The following GTPBP3 variants were observed in gnomAD, a reference collection of about 807,000 sequenced individuals.
The protein encoded by GTPBP3 is GTP binding protein 3, mitochondrial.
A neutral mutation model predicts 42.0 loss-of-function variants in GTPBP3; 35 were observed. The ratio of observed to expected loss-of-function variants is 0.83; its 90% confidence interval spans 0.64 to 1.10. GTPBP3 has a LOEUF of 1.10. Ranked by LOEUF, GTPBP3 falls within the 50% of genes least tolerant of loss-of-function variation. GTPBP3 has a pLI of 0.00. For synonymous variants in GTPBP3, 332 were observed against 314.9 expected, an observed-to-expected ratio of 1.05 and a Z score of -0.58; for missense variants, 691 against 685.2, an observed-to-expected ratio of 1.01 and a Z score of -0.09.
Position 17,337,573 on chromosome 19 carries a change from A to ACAGGCAGGTCGGG in GTPBP3, c.-33_-21dup. On this transcript the variant is annotated 5_prime_UTR_variant, in exon 1 of 9. Transcript: ENST00000324894. ...GCCCCCTGCCCAGACTTGAAGCCAC[A>ACAGGCAGGTCGGG]CAGGCAGGTCGGGCAGGCGGGTCGC... 1 of 1,316,704 alleles carries ACAGGCAGGTCGGG rather than the reference A, an allele frequency of 7.6e-7. No individual in the cohort carries two copies. The highest frequency in any genetic ancestry group is 9.7e-7 in the Non-Finnish European group (1 of 1,027,214). 81.6% of individuals were successfully genotyped at this position (1,316,704 alleles called of 1,614,324 possible). A position where few individuals can be genotyped will look rare whatever the true frequency, so the allele number is the denominator to read the frequency against.
intron 7 of GTPBP3, among the ~76,000 whole-genome samples, chr19:17,340,180 G>T (rs962661977): frequency 1.3e-5 from 2 of 151,800 alleles, no homozygotes; most frequent in East Asian, 3.9e-4. Flanking sequence ...GATTAGAGGC[G>T]CCCACCACAA....
chr19:17,341,919 T>C lies in GTPBP3; in HGVS notation c.*216T>C, dbSNP rs546568849. ...GCTGAATGGAGGTCCCGTTCGACCC[T>C]TGATGCTGGGGCATCCGGGTTGGGA... On this transcript the variant is annotated 3_prime_UTR_variant, in exon 9 of 9. Coordinates refer to ENST00000324894, the MANE Select transcript of GTPBP3 (RefSeq NM_032620.4). 1.5e-4 allele frequency: 66 copies of C among 446,376 alleles called. No individual in the cohort carries two copies. In the South Asian group the frequency reaches 4.0e-3, roughly 27 times the overall value. 27.7% of individuals were successfully genotyped at this position (446,376 alleles called of 1,614,324 possible). A position where few individuals can be genotyped will look rare whatever the true frequency, so the allele number is the denominator to read the frequency against.
In GTPBP3 at chr19:17,342,378, C is replaced by T. The variant is rs1314923083; in HGVS notation, c.*675C>T. 5 of 152,286 alleles carry T rather than the reference C, an allele frequency of 3.3e-5. No homozygotes were observed. The East Asian group carries it at 9.6e-4, about 29-fold the overall frequency. The allele number at this position is 152,286 out of a possible 1,614,324, so 9.4% of individuals were successfully genotyped here. A position where few individuals can be genotyped will look rare whatever the true frequency, so the allele number is the denominator to read the frequency against. Reference sequence around the variant, plus strand: ...CACCTCCCGGGTTCAAGTGATTCTCCTGCCTCAGCCTCTTGAGTAGCTGGG... The same window carrying T: ...CACCTCCCGGGTTCAAGTGATTCTCTTGCCTCAGCCTCTTGAGTAGCTGGG... On this transcript the variant is annotated 3_prime_UTR_variant, in exon 9 of 9. Coordinates refer to ENST00000324894, the MANE Select transcript of GTPBP3 (RefSeq NM_032620.4).
chr19:17,337,577 G>T lies in GTPBP3; in HGVS notation c.-35G>T, dbSNP rs533025425. ...CCTGCCCAGACTTGAAGCCACACAGGCAGGTCGGGCAGGCGGGTCGCAGGT... is the reference window on the plus strand; with the variant it reads ...CCTGCCCAGACTTGAAGCCACACAGTCAGGTCGGGCAGGCGGGTCGCAGGT... On this transcript the variant is annotated 5_prime_UTR_variant, in exon 1 of 9. Coordinates refer to ENST00000324894, the MANE Select transcript of GTPBP3 (RefSeq NM_032620.4). The T allele has an allele frequency of 5.5e-5, 72 of 1,317,596 alleles. No individual in the cohort carries two copies. The South Asian group carries it at 1.7e-3, about 32-fold the overall frequency. 81.6% of individuals were successfully genotyped at this position (1,317,596 alleles called of 1,614,324 possible). A position where few individuals can be genotyped will look rare whatever the true frequency, so the allele number is the denominator to read the frequency against.
Position 17,339,465 on chromosome 19 carries a change from G to T in GTPBP3, c.840G>T (p.Glu280Asp). 6.2e-7 allele frequency: 1 copy of T among 1,613,960 alleles called. No homozygotes were observed. Among genetic ancestry groups the T allele is most frequent in the Non-Finnish European group, 8.5e-7 (1 of 1,179,990 alleles). Reference sequence around the variant, plus strand: ...AGCCTGTGTCCATCGTGTCCCCGGAGCCAGGGACCACCCGTGACGTGCTGG... The same window carrying T: ...AGCCTGTGTCCATCGTGTCCCCGGATCCAGGGACCACCCGTGACGTGCTGG... ...SRKPVSIVSP[E>D]PGTTRDVLET... The change falls in exon 7 of 9, where the codon GAG becomes GAT. Residue 280 changes from glutamate to aspartate, a missense_variant. Glu to Asp is a conservative substitution (Grantham distance 45). Coordinates refer to ENST00000324894, the MANE Select transcript of GTPBP3 (RefSeq NM_032620.4).
intron 6 of GTPBP3, 62 bp from the exon 7 acceptor site, chr19:17,339,372 T>C (rs2074404658): frequency 1.3e-6 from 2 of 1,595,410 alleles, no homozygotes; most frequent in African/African-American, 2.7e-5. Flanking sequence ...AGACATGGGG[T>C]AGAACCTGGG....
intron 7 of GTPBP3, among the ~76,000 whole-genome samples, chr19:17,340,182 C>T (rs906482107): frequency 1.3e-5 from 2 of 151,816 alleles, no homozygotes; most frequent in African/African-American, 4.8e-5. Context: ...TTAGAGGCGC[C>T]CACCACAATG....
chr19:17,335,126 A>G, upstream of GTPBP3: 1 of 1,535,458 alleles, frequency 6.5e-7, no homozygotes, highest in Non-Finnish European at 8.7e-7. Flanking sequence ...GATGGGCGTA[A>G]GTTGACTAAG....
chr19:17,340,960 G>T, intron 7 of GTPBP3, 84 bp from the exon 8 acceptor site: 1 of 1,489,466 alleles, frequency 6.7e-7, no homozygotes. Context: ...CCAGTGCTCT[G>T]CCTGGCCCCT....
upstream of GTPBP3, chr19:17,337,421 C>A: frequency 2.5e-6 from 3 of 1,180,196 alleles, no homozygotes; most frequent in South Asian, 8.8e-5. Context: ...CCTCCCGCTC[C>A]CGCTCTCCCT....
rs1220092128 is a variant in GTPBP3, at chr19:17,338,122, C to G, written c.168C>G (p.Pro56=). The part of the protein sequence containing the change: ...CGIAVIRTSG[P]ASGHALRILT... ...TCGCAGTGATCCGGACCAGCGGCCC[C>G]GCCAGCGGCCACGCCCTCCGAATTC... Residue 56 remains proline (P), a synonymous_variant, in exon 2 of 9, where the codon CCC becomes CCG. Coordinates refer to ENST00000324894, the MANE Select transcript of GTPBP3 (RefSeq NM_032620.4). 4 of 1,596,448 alleles carry G rather than the reference C, an allele frequency of 2.5e-6. No individual in the cohort carries two copies. Among genetic ancestry groups the G allele is most frequent in the Non-Finnish European group, 3.4e-6 (4 of 1,178,562 alleles).
Position 17,339,612 on chromosome 19 carries a change from G to T in GTPBP3, c.974+13G>T, listed in dbSNP as rs779558240. The T allele has an allele frequency of 6.3e-7, 1 of 1,589,756 alleles. No homozygotes were observed. The highest frequency in any genetic ancestry group is 2.3e-5 in the East Asian group (1 of 43,708). ...GCGCCCGGGAGAGGTGGGCGGACAG[G>T]GTGGTGATGGGAGGGGAACGCGGGG... On this transcript the variant is annotated intron_variant, in intron 7 of 8. Coordinates refer to ENST00000324894, the MANE Select transcript of GTPBP3 (RefSeq NM_032620.4).
chr19:17,337,370 T>G (rs2074376917), upstream of GTPBP3: 1 of 737,130 alleles, frequency 1.4e-6, no homozygotes. Flanking sequence ...GGTCTCATGT[T>G]GCCCGGGGAA....
chr19:17,337,727 C>T, intron 1 of GTPBP3, 63 bp downstream of exon 1: 2 of 1,406,502 alleles, frequency 1.4e-6, no homozygotes, highest in Non-Finnish European at 1.9e-6. Flanking sequence ...GACCCACTCC[C>T]TGGGTTTTAG....
At chr19:17,335,193 A>G, upstream of GTPBP3, 1 of 1,529,224 alleles carries the variant, frequency 6.5e-7, no homozygotes, top group East Asian at 2.5e-5. Flanking sequence ...AATAACTTCA[A>G]CCACCCCAGT....
rs1047386127 is a variant in GTPBP3, at chr19:17,338,436, G to A, written c.373G>A (p.Val125Ile). 1.2e-6 allele frequency: 2 copies of A among 1,614,096 alleles called. No homozygotes were observed. Among genetic ancestry groups the A allele is most frequent in the East Asian group, 2.2e-5 (1 of 44,878 alleles). Reference sequence around the variant, plus strand: ...TGGAGGCCCGGCAGTGGTGAGCGGCGTCCTGCAGGCCTTGGGTGAGTTGCA... The same window carrying A: ...TGGAGGCCCGGCAGTGGTGAGCGGCATCCTGCAGGCCTTGGGTGAGTTGCA... ...VHGGPAVVSG[V>I]LQALGSVPGL... Residue 125 changes from valine (V) to isoleucine (I), a missense_variant, in exon 3 of 9, where the codon GTC (valine) becomes ATC (isoleucine). By Grantham distance (29) the Val-to-Ile change is conservative (BLOSUM62 3). Transcript: ENST00000324894.
chr19:17,340,174 A>G (rs2074414901), intron 7 of GTPBP3, among the ~76,000 whole-genome samples: 1 of 151,872 alleles, frequency 6.6e-6, no homozygotes, highest in East Asian at 1.9e-4. Flanking sequence ...AGCTGGGATT[A>G]GAGGCGCCCA....
In GTPBP3 at chr19:17,341,689, T is replaced by G; in HGVS notation, c.1465T>G (p.Cys489Gly). Residue 489 changes from cysteine (C) to glycine (G), a missense_variant, in exon 9 of 9, where the codon TGT becomes GGT. By Grantham distance (159) the Cys-to-Gly change is radical. Coordinates refer to ENST00000324894, the MANE Select transcript of GTPBP3 (RefSeq NM_032620.4). ...CCTGGACATCATCTTCCAGGACTTC[T>G]GTGTGGGCAAGTGACGGGATCCAGG... ...EILDIIFQDF[C>G]VGK The G allele has an allele frequency of 6.3e-7, 1 of 1,582,510 alleles. No homozygotes were observed. The highest frequency in any genetic ancestry group is 8.6e-7 in the Non-Finnish European group (1 of 1,158,766).
Position 17,339,229 on chromosome 19 carries a change from C to T in GTPBP3, c.771C>T (p.Pro257=), listed in dbSNP as rs11880362. 3.5e-3 allele frequency: 5,631 copies of T among 1,611,414 alleles called. 153 individuals are homozygous for T. In the African/African-American group the frequency reaches 0.066, roughly 19 times the overall value. Residue 257 remains proline, a synonymous_variant, in exon 6 of 9, where the codon CCC becomes CCT. Transcript: ENST00000324894. ...GGGTGCACGTAGTGGTCACTGGACC[C>T]CCCAATGCGGGCAAGAGCAGCCTAG... ...RSGVHVVVTG[P]PNAGKSSLVN...
Sources: gnomAD v4.1 joint callset for allele counts (sites outside exome capture counted in the v4.1 genomes callset) on GRCh38, gnomAD v4.1.1 for gene constraint, MANE v1.5 for transcripts, NCBI Gene and HGNC (gene_info 2026-07-23, HGNC 2026-07-21) for gene names.